MARCHF1: variants seen among roughly 807,000 people sequenced by gnomAD.
The protein encoded by MARCHF1 is membrane associated ring-CH-type finger 1.
MARCHF1 carries 40 observed loss-of-function variants against 54.2 expected under a neutral mutation model. The observed-to-expected ratio is 0.74, with a 90% CI of 0.57 to 0.96. The LOEUF (loss-of-function observed/expected upper bound fraction) is 0.96. Ranked by LOEUF, MARCHF1 falls within the 40% of genes least tolerant of loss-of-function variation. The pLI is 0.00. For synonymous variants in MARCHF1, 236 were observed against 236.3 expected (o/e 1.00, Z 0.01); for missense variants, 586 against 656.5 (o/e 0.89, Z 1.17).
chr4:164,284,319 TGAGAGAGAGAGAGACAGAGA>T (rs952331368), intron 1 of MARCHF1, among the ~76,000 whole-genome samples: 1 of 126,072 alleles, frequency 7.9e-6, no homozygotes, highest in African/African-American at 3.4e-5. Flanking sequence ...CTAAAGAAAG[TGAGAGAGAGAGAGACAGAGA>T]GAGAGAGAGA....
chr4:164,142,272 C>A (rs950733901), intron 1 of MARCHF1, among the ~76,000 whole-genome samples: 10 of 152,156 alleles, frequency 6.6e-5, no homozygotes, highest in African/African-American at 2.2e-4. Flanking sequence ...CCCAGGCTTG[C>A]TTAGGTAAAC....
At chr4:163,777,754 C>T (rs940070707) in intron 4 of MARCHF1, among the ~76,000 whole-genome samples, 1 of 152,042 alleles carries the variant, frequency 6.6e-6, no homozygotes, top group African/African-American at 2.4e-5. Context: ...TTACTGTTTT[C>T]CTGTAAGTTT....
At chr4:164,185,081 T>A (rs1730931695) in intron 1 of MARCHF1, among the ~76,000 whole-genome samples, 1 of 152,230 alleles carries the variant, frequency 6.6e-6, no homozygotes, top group African/African-American at 2.4e-5. Flanking sequence ...AATATAAATA[T>A]GTCATTCTAG....
At chr4:163,784,433 A>T (rs1029952637) in intron 4 of MARCHF1, among the ~76,000 whole-genome samples, 2 of 152,138 alleles carry the variant, frequency 1.3e-5, no homozygotes, top group Admixed American at 6.6e-5. Flanking sequence ...GGTGTTCTTA[A>T]TAGGCAGAAC....
intron 8 of MARCHF1, among the ~76,000 whole-genome samples, chr4:163,576,150 T>A (rs888506274): frequency 2.0e-5 from 3 of 151,974 alleles, no homozygotes; most frequent in Admixed American, 6.6e-5. Flanking sequence ...ATTTGAGATC[T>A]TCCTAATTTT....
chr4:163,556,464 C>G (rs1739289912), intron 8 of MARCHF1, among the ~76,000 whole-genome samples: 1 of 152,002 alleles, frequency 6.6e-6, no homozygotes, highest in South Asian at 2.1e-4. Context: ...GATGCTTATT[C>G]TCATGGGTCA....
At chr4:164,157,158 T>A (rs948704797) in intron 1 of MARCHF1, among the ~76,000 whole-genome samples, 21 of 151,690 alleles carry the variant, frequency 1.4e-4, no homozygotes, top group African/African-American at 4.6e-4. Flanking sequence ...ATTTATAAAT[T>A]TAAATATTTA....
chr4:164,189,049 C>G (rs1731054024), intron 1 of MARCHF1: 1 of 689,216 alleles, frequency 1.5e-6, no homozygotes, highest in Non-Finnish European at 2.6e-6. Context: ...GTTGTTCCAC[C>G]TGGGTGGCAG....
intron 2 of MARCHF1, among the ~76,000 whole-genome samples, chr4:164,080,554 TCTTCCTTC>T (rs1755073477): frequency 1.3e-5 from 2 of 152,074 alleles, no homozygotes; most frequent in Non-Finnish European, 2.9e-5. Context: ...TCACAGAACC[TCTTCCTTC>T]ATTATTTTTG....
chr4:164,040,047 T>G (rs1754091802), intron 2 of MARCHF1, among the ~76,000 whole-genome samples: 1 of 146,684 alleles, frequency 6.8e-6, no homozygotes, highest in Non-Finnish European at 1.5e-5. Flanking sequence ...CAAGCATAAT[T>G]TATATATACA....
chr4:163,665,832 T>A (rs79906272), intron 5 of MARCHF1, among the ~76,000 whole-genome samples: 2,606 of 152,260 alleles, frequency 0.017, 55 homozygotes, highest in East Asian at 0.081. Context: ...AATTACTTTT[T>A]AATAACTATA....
At chr4:164,034,089 A>AGAT (rs1560871947) in intron 2 of MARCHF1, among the ~76,000 whole-genome samples, 1 of 140,060 alleles carries the variant, frequency 7.1e-6, no homozygotes, top group East Asian at 2.1e-4. Context: ...ATAGATAGAT[A>AGAT]GATAGATAGA....
chr4:163,726,401 A>G (rs1200566012), intron 4 of MARCHF1, among the ~76,000 whole-genome samples: 3 of 152,172 alleles, frequency 2.0e-5, no homozygotes, highest in Non-Finnish European at 4.4e-5. Flanking sequence ...TCTTTCACTT[A>G]GTAATATGCA....
At chr4:163,804,096 A>G (rs1458058810) in intron 4 of MARCHF1, among the ~76,000 whole-genome samples, 7 of 152,246 alleles carry the variant, frequency 4.6e-5, no homozygotes, top group Non-Finnish European at 8.8e-5. Context: ...GATCACAGTG[A>G]AATGATCTGT....
At chr4:163,694,444 C>T (rs1260030923) in intron 5 of MARCHF1, among the ~76,000 whole-genome samples, 1 of 152,148 alleles carries the variant, frequency 6.6e-6, no homozygotes, top group East Asian at 1.9e-4. Context: ...ATGGCAAATA[C>T]TGGAGGATGA....
At chr4:163,900,449 T>C (rs892718642) in intron 3 of MARCHF1, among the ~76,000 whole-genome samples, 1 of 152,100 alleles carries the variant, frequency 6.6e-6, no homozygotes, top group Non-Finnish European at 1.5e-5. Flanking sequence ...AATCCTTATA[T>C]AGTTTCAGGC....
chr4:163,640,699 A>G (rs1742521564), intron 5 of MARCHF1, among the ~76,000 whole-genome samples: 1 of 152,182 alleles, frequency 6.6e-6, no homozygotes, highest in African/African-American at 2.4e-5. Context: ...CCACCAAGTT[A>G]GATGAATTGC....
chr4:164,382,929 A>T (rs1401185570), intron 1 of MARCHF1, among the ~76,000 whole-genome samples: 1 of 152,210 alleles, frequency 6.6e-6, no homozygotes, highest in Non-Finnish European at 1.5e-5. Flanking sequence ...CTACTGAATA[A>T]CAATAAGAAT....
At chr4:163,550,536 A>G (rs1739076795) in intron 8 of MARCHF1, among the ~76,000 whole-genome samples, 1 of 147,596 alleles carries the variant, frequency 6.8e-6, no homozygotes, top group African/African-American at 2.5e-5. Flanking sequence ...GTACCGCCAG[A>G]CCCAGGAGCT....
Sources: gnomAD v4.1 joint callset for allele counts (sites outside exome capture counted in the v4.1 genomes callset) on GRCh38, gnomAD v4.1.1 for gene constraint, MANE v1.5 for transcripts, NCBI Gene and HGNC (gene_info 2026-07-23, HGNC 2026-07-21) for gene names.